HAPLN1: variants seen among roughly 807,000 people sequenced by gnomAD.
The protein encoded by HAPLN1 is Cartilage link protein.
A neutral mutation model predicts 36.5 loss-of-function variants in HAPLN1; 13 were observed. That is an observed-to-expected ratio of 0.36 (90% CI 0.23 to 0.57). HAPLN1 has a LOEUF of 0.57. Among genes scored for constraint, HAPLN1 ranks in the 20% least tolerant of loss-of-function variants. The pLI, the probability that HAPLN1 is intolerant of heterozygous loss-of-function variation, is 0.83. For synonymous variants in HAPLN1, 202 were observed against 169.8 expected, an observed-to-expected ratio of 1.19 and a Z score of -1.48; for missense variants, 407 against 439.7, an observed-to-expected ratio of 0.93 and a Z score of 0.66.
intron 2 of HAPLN1, among the ~76,000 whole-genome samples, chr5:83,653,972 A>T (rs1207889637): frequency 6.6e-6 from 1 of 152,230 alleles, no homozygotes. Context: ...TGCCCTTCAC[A>T]CAACTCTGCA....
At chr5:83,690,648 A>C (rs1580153423) in intron 1 of HAPLN1, among the ~76,000 whole-genome samples, 1 of 152,036 alleles carries the variant, frequency 6.6e-6, no homozygotes, top group East Asian at 1.9e-4. Context: ...TTTTCAGATA[A>C]GGCCTTTCCA....
At chr5:83,661,844 C>A (rs1008100848) in intron 2 of HAPLN1, among the ~76,000 whole-genome samples, 1 of 152,072 alleles carries the variant, frequency 6.6e-6, no homozygotes, top group Non-Finnish European at 1.5e-5. Context: ...AAAATGGGGA[C>A]CATTTTTACC....
intron 2 of HAPLN1, among the ~76,000 whole-genome samples, chr5:83,657,604 C>T (rs548626333): frequency 2.6e-5 from 4 of 152,138 alleles, no homozygotes; most frequent in East Asian, 1.9e-4. Flanking sequence ...TCTCATGGTC[C>T]TTACACCACT....
intron 1 of HAPLN1, among the ~76,000 whole-genome samples, chr5:83,702,585 CA>C (rs1317467932): frequency 6.6e-6 from 1 of 152,144 alleles, no homozygotes; most frequent in African/African-American, 2.4e-5. Flanking sequence ...AAGGGTTACT[CA>C]GAACATAGTC....
At chr5:83,656,154 C>T (rs1750203494) in intron 2 of HAPLN1, among the ~76,000 whole-genome samples, 1 of 151,396 alleles carries the variant, frequency 6.6e-6, no homozygotes, top group Non-Finnish European at 1.5e-5. Context: ...ATGGTGAAAC[C>T]CCGTCTCAAC....
At chr5:83,673,808 A>T (rs1344018911) in intron 1 of HAPLN1, 2 of 334,652 alleles carry the variant, frequency 6.0e-6, no homozygotes, top group African/African-American at 4.4e-5. Flanking sequence ...AATTTAAAAC[A>T]CTGTAGTTTG....
intron 1 of HAPLN1, among the ~76,000 whole-genome samples, chr5:83,697,652 G>A (rs1182080568): frequency 6.6e-6 from 1 of 152,116 alleles, no homozygotes; most frequent in African/African-American, 2.4e-5. Context: ...ATGCAACCAT[G>A]CATGAGGGTT....
intron 3 of HAPLN1, among the ~76,000 whole-genome samples, chr5:83,651,300 T>C (rs917588463): frequency 2.0e-5 from 3 of 152,182 alleles, no homozygotes; most frequent in Non-Finnish European, 2.9e-5. Context: ...CTCTCCAACC[T>C]TCCATGCCCC....
intron 1 of HAPLN1, among the ~76,000 whole-genome samples, chr5:83,694,501 T>G (rs62362949): frequency 0.2 from 29,924 of 151,892 alleles, 3,385 homozygotes; most frequent in Non-Finnish European, 0.26. Context: ...CATAAATCTC[T>G]ATACAAGCTA....
At chr5:83,677,091 T>A (rs183068300) in intron 1 of HAPLN1, among the ~76,000 whole-genome samples, 1 of 152,310 alleles carries the variant, frequency 6.6e-6, no homozygotes, top group Admixed American at 6.5e-5. Context: ...ATTATCATAT[T>A]AGGTAATGGG....
chr5:83,645,475 C>CTTTTTTT lies in HAPLN1; in HGVS notation c.473-817_473-811dup. ...GTGATTTTCTTTTTTCTTTTTCTTT[C>CTTTTTTT]TTTTTTTTTTTTTTTTAGCTCATCA... On this transcript the variant is annotated intron_variant, in intron 3 of 4. Coordinates refer to ENST00000274341, the MANE Select transcript of HAPLN1 (RefSeq NM_001884.4). Among the ~76,000 whole-genome samples, 19 of 74,332 alleles carry CTTTTTTT rather than the reference C, an allele frequency of 2.6e-4. 2 individuals carry two copies. Among genetic ancestry groups the CTTTTTTT allele is most frequent in the Admixed American group, 2.5e-3 (16 of 6,444 alleles). 48.8% of individuals were successfully genotyped at this position (74,332 alleles called of 152,430 possible).
At chr5:83,652,255 C>T (rs748053026) in intron 3 of HAPLN1, 198 bp downstream of exon 3, 7 of 501,058 alleles carry the variant, frequency 1.4e-5, no homozygotes, top group African/African-American at 2.0e-5. Context: ...CAATTTTGCA[C>T]ATAAGCATTG....
rs879060798 is a variant in HAPLN1, at chr5:83,644,436, T to C, written c.702A>G (p.Gly234=). 1 of 1,611,502 alleles carries C rather than the reference T, an allele frequency of 6.2e-7. No homozygotes were observed. Among genetic ancestry groups the C allele is most frequent in the Non-Finnish European group, 8.5e-7 (1 of 1,179,188 alleles). Residue 234 remains glycine, a synonymous_variant, in exon 4 of 5, where the codon GGA becomes GGG. Coordinates refer to ENST00000274341, the MANE Select transcript of HAPLN1 (RefSeq NM_001884.4). The stretch of plus-strand genomic sequence containing the variant: ...TATCCCAAAATCCGTAGTTCCTGAC[T>C]CCGGGCACTGTGTTCTGCCCCCCAC... ...EPCGGQNTVP[G]VRNYGFWDKD...
At chr5:83,644,215 A>T in intron 4 of HAPLN1, 148 bp downstream of exon 4, 1 of 593,338 alleles carries the variant, frequency 1.7e-6, no homozygotes, top group Non-Finnish European at 2.5e-6. Context: ...ACACTCAAGA[A>T]CTTTTTATAT....
chr5:83,684,046 G>A (rs889152411), intron 1 of HAPLN1, among the ~76,000 whole-genome samples: 8 of 152,104 alleles, frequency 5.3e-5, no homozygotes, highest in Admixed American at 5.2e-4. Flanking sequence ...AGGCCAAGGA[G>A]TAGTGTTCTT....
chr5:83,644,125 T>C (rs1036608584), intron 4 of HAPLN1, among the ~76,000 whole-genome samples: 13 of 152,196 alleles, frequency 8.5e-5, no homozygotes, highest in Non-Finnish European at 1.8e-4. Context: ...TTATTTCATA[T>C]AAAAATGGGA....
chr5:83,674,973 GCAAA>G (rs1314299298), intron 1 of HAPLN1, among the ~76,000 whole-genome samples: 4 of 152,134 alleles, frequency 2.6e-5, no homozygotes, highest in Non-Finnish European at 4.4e-5. Flanking sequence ...TGGTAGATAA[GCAAA>G]CAAATTGTGA....
chr5:83,683,409 C>G, intron 1 of HAPLN1, among the ~76,000 whole-genome samples: 1 of 152,112 alleles, frequency 6.6e-6, no homozygotes, highest in East Asian at 1.9e-4. Flanking sequence ...TAAGAGGAAA[C>G]GAGCAGCTAC....
Position 83,654,181 on chromosome 5 carries a change from T to C in HAPLN1, c.101-1357A>G, listed in dbSNP as rs138782609. On this transcript the variant is annotated intron_variant, in intron 2 of 4. Transcript: ENST00000274341. Reference sequence around the variant, plus strand: ...TTTATCATATAGCAATCAGAATTAATATTTTTAATGAGCATATCATTTCAT... The same window carrying C: ...TTTATCATATAGCAATCAGAATTAACATTTTTAATGAGCATATCATTTCAT... 4.6e-3 allele frequency among the ~76,000 whole-genome samples: 706 copies of C among 152,334 alleles called. 5 individuals are homozygous for C. The highest frequency in any genetic ancestry group is 0.016 in the African/African-American group (660 of 41,578).
Sources: gnomAD v4.1 joint callset for allele counts (sites outside exome capture counted in the v4.1 genomes callset) on GRCh38, gnomAD v4.1.1 for gene constraint, MANE v1.5 for transcripts, NCBI Gene and HGNC (gene_info 2026-07-23, HGNC 2026-07-21) for gene names.